NOL4: variants seen among roughly 807,000 people sequenced by gnomAD.
The protein encoded by NOL4 is cancer/testis antigen 125.
In NOL4, 17 loss-of-function variants were observed where a neutral mutation model predicts 75.9. That is an observed-to-expected ratio of 0.22 (90% CI 0.15 to 0.34). NOL4 has a LOEUF of 0.34. Ranked by LOEUF, NOL4 falls within the 10% of genes least tolerant of loss-of-function variation. NOL4 has a pLI of 1.00. For missense variants in NOL4, 614 were observed against 793.5 expected, an observed-to-expected ratio of 0.77 and a Z score of 2.72; for synonymous variants, 292 against 289.9, an observed-to-expected ratio of 1.01 and a Z score of -0.07.
At chr18:34,056,657 T>A (rs1201539532) in intron 5 of NOL4, among the ~76,000 whole-genome samples, 8 of 152,180 alleles carry the variant, frequency 5.3e-5, no homozygotes, top group Non-Finnish European at 1.2e-4. Flanking sequence ...AGAGCCCTTG[T>A]ATGGAATGTT....
intron 8 of NOL4, among the ~76,000 whole-genome samples, chr18:33,951,457 T>TA (rs911980429): frequency 3.3e-5 from 5 of 152,114 alleles, no homozygotes; most frequent in Admixed American, 1.3e-4. Context: ...TGAGTTTTTT[T>TA]AAAAAAAATG....
intron 6 of NOL4, among the ~76,000 whole-genome samples, chr18:33,986,954 A>G (rs941113874): frequency 4.6e-5 from 7 of 152,100 alleles, no homozygotes; most frequent in African/African-American, 1.7e-4. Context: ...CTGATCTGAC[A>G]TTCTGAAAAA....
chr18:34,148,752 A>G (rs988801751), intron 1 of NOL4, among the ~76,000 whole-genome samples: 2 of 151,872 alleles, frequency 1.3e-5, no homozygotes, highest in East Asian at 1.9e-4. Context: ...GCTGAGTCCA[A>G]TCCTGAATAT....
intron 5 of NOL4, among the ~76,000 whole-genome samples, chr18:34,082,307 A>G (rs967372363): frequency 2.6e-5 from 4 of 152,028 alleles, no homozygotes; most frequent in Non-Finnish European, 5.9e-5. Context: ...TCTACTACTT[A>G]GTAGTTGTGG....
intron 1 of NOL4, among the ~76,000 whole-genome samples, chr18:34,199,159 T>C (rs1244463676): frequency 6.6e-6 from 1 of 151,136 alleles, no homozygotes; most frequent in African/African-American, 2.4e-5. Context: ...TTTTTTTTTT[T>C]TTTGTATGTT....
At chr18:33,968,246 A>C (rs551780489) in intron 6 of NOL4, among the ~76,000 whole-genome samples, 13 of 152,318 alleles carry the variant, frequency 8.5e-5, no homozygotes, top group Admixed American at 3.3e-4. Flanking sequence ...AGCTTAAAAC[A>C]GAACTACTAT....
chr18:34,220,905 C>T (rs1372305066), intron 1 of NOL4: 1 of 152,000 alleles, frequency 6.6e-6, no homozygotes, highest in African/African-American at 2.4e-5. Flanking sequence ...TCACTCTATA[C>T]TAGATGTCTT....
intron 8 of NOL4, among the ~76,000 whole-genome samples, chr18:33,956,611 G>A (rs575139483): frequency 3.3e-5 from 5 of 152,186 alleles, no homozygotes; most frequent in South Asian, 2.1e-4. Context: ...AAATGTGTGC[G>A]TTATTTCTAG....
At chr18:34,197,361 G>A (rs2035406720) in intron 1 of NOL4, among the ~76,000 whole-genome samples, 1 of 151,864 alleles carries the variant, frequency 6.6e-6, no homozygotes, top group Non-Finnish European at 1.5e-5. Flanking sequence ...AGCAAGGAGA[G>A]GTCAAAAAGA....
intron 9 of NOL4, among the ~76,000 whole-genome samples, chr18:33,891,479 C>T (rs2065091104): frequency 6.6e-6 from 1 of 152,122 alleles, no homozygotes; most frequent in Admixed American, 6.6e-5. Context: ...ACACAATGTT[C>T]TATACTTCAA....
At chr18:33,860,874 T>G (rs1168418974) in intron 10 of NOL4, among the ~76,000 whole-genome samples, 1 of 152,120 alleles carries the variant, frequency 6.6e-6, no homozygotes, top group Non-Finnish European at 1.5e-5. Flanking sequence ...AGGCCTTTTC[T>G]GCATCTATTG....
intron 5 of NOL4, among the ~76,000 whole-genome samples, chr18:34,038,263 A>C (rs2075997761): frequency 6.6e-6 from 1 of 152,108 alleles, no homozygotes. Context: ...GGATGTGGAG[A>C]AAAGCAAACA....
intron 6 of NOL4, among the ~76,000 whole-genome samples, chr18:34,011,719 T>C (rs2074385160): frequency 6.6e-6 from 1 of 151,852 alleles, no homozygotes; most frequent in Non-Finnish European, 1.5e-5. Flanking sequence ...AGACAACTTC[T>C]TTTTGAGGTA....
intron 9 of NOL4, among the ~76,000 whole-genome samples, chr18:33,936,059 A>G (rs896943211): frequency 3.9e-5 from 6 of 152,160 alleles, no homozygotes; most frequent in African/African-American, 1.4e-4. Flanking sequence ...TAAAGTTTAT[A>G]AATGTTATAA....
intron 10 of NOL4, among the ~76,000 whole-genome samples, chr18:33,881,303 G>A (rs961431111): frequency 7.3e-5 from 11 of 149,828 alleles, no homozygotes; most frequent in Admixed American, 1.3e-4. Context: ...CAATCATGTC[G>A]TCTGCAAACA....
At chr18:34,164,811 A>G (rs2032092206) in intron 1 of NOL4, among the ~76,000 whole-genome samples, 1 of 151,884 alleles carries the variant, frequency 6.6e-6, no homozygotes, top group Admixed American at 6.6e-5. Flanking sequence ...TTGCGGCACT[A>G]TTCACAATAG....
chr18:34,106,644 A>G (rs148620234), intron 2 of NOL4, among the ~76,000 whole-genome samples: 13 of 151,696 alleles, frequency 8.6e-5, no homozygotes, highest in Middle Eastern at 3.4e-3. Context: ...GAAAAATTTT[A>G]TATTATTTAA....
intron 8 of NOL4, among the ~76,000 whole-genome samples, chr18:33,955,346 A>G (rs2145710342): frequency 6.6e-6 from 1 of 152,224 alleles, no homozygotes; most frequent in East Asian, 1.9e-4. Flanking sequence ...TGATCCCTCT[A>G]CTGTGAGCTG....
At chr18:33,940,813 G>A (rs989869554) in intron 9 of NOL4, among the ~76,000 whole-genome samples, 3 of 151,962 alleles carry the variant, frequency 2.0e-5, no homozygotes, top group African/African-American at 7.2e-5. Flanking sequence ...ATAAATATAT[G>A]AGGACATATA....
Sources: allele counts gnomAD v4.1 joint callset (sites outside exome capture counted in the v4.1 genomes callset), GRCh38; gene constraint gnomAD v4.1.1; transcripts MANE v1.5; gene names NCBI Gene and HGNC (gene_info 2026-07-23, HGNC 2026-07-21).